CPNE4: variants seen among roughly 807,000 people sequenced by gnomAD.
The protein encoded by CPNE4 is copine 4, also known as copine-4.
A neutral mutation model predicts 67.9 loss-of-function variants in CPNE4; 25 were observed. The observed-to-expected ratio is 0.37, with a 90% confidence interval of 0.27 to 0.51. The LOEUF (loss-of-function observed/expected upper bound fraction) is 0.51. Among genes scored for constraint, CPNE4 ranks in the 20% least tolerant of loss-of-function variants. The pLI is 0.93. For missense variants in CPNE4, 464 were observed against 690.8 expected, an observed-to-expected ratio of 0.67 and a Z score of 3.68; for synonymous variants, 242 against 244.9, an observed-to-expected ratio of 0.99 and a Z score of 0.11.
intron 2 of CPNE4, among the ~76,000 whole-genome samples, chr3:131,884,284 G>T (rs1026897315): frequency 6.6e-6 from 1 of 152,214 alleles, no homozygotes; most frequent in Admixed American, 6.5e-5. Context: ...TCTACAGGAT[G>T]AACTGCTTCT....
chr3:131,902,101 C>A (rs1219133130), intron 2 of CPNE4, among the ~76,000 whole-genome samples: 1 of 151,676 alleles, frequency 6.6e-6, no homozygotes, highest in Non-Finnish European at 1.5e-5. Context: ...TTATTATATC[C>A]TTACTGTATA....
At chr3:131,545,839 G>A (rs140393013) in intron 14 of CPNE4, among the ~76,000 whole-genome samples, 6 of 152,278 alleles carry the variant, frequency 3.9e-5, no homozygotes, top group Non-Finnish European at 7.4e-5. Flanking sequence ...CTAGGTGGGC[G>A]GATCATGAGG....
At chr3:131,976,097 TA>T (rs2072646072) in intron 1 of CPNE4, among the ~76,000 whole-genome samples, 1 of 149,644 alleles carries the variant, frequency 6.7e-6, no homozygotes. Context: ...TTTTTTTTTT[TA>T]AAGAATGCAC....
intron 1 of CPNE4, among the ~76,000 whole-genome samples, chr3:132,021,439 G>A (rs2073994095): frequency 6.6e-6 from 1 of 152,082 alleles, no homozygotes; most frequent in Non-Finnish European, 1.5e-5. Context: ...CCTGGAGATG[G>A]CCAAATAAAA....
chr3:131,810,937 A>G (rs930191914), intron 2 of CPNE4, among the ~76,000 whole-genome samples: 1 of 152,126 alleles, frequency 6.6e-6, no homozygotes, highest in Admixed American at 6.6e-5. Context: ...CCAGAAATAG[A>G]AAGATACTGT....
intron 2 of CPNE4, among the ~76,000 whole-genome samples, chr3:131,892,379 A>G (rs1056868595): frequency 6.6e-6 from 1 of 152,114 alleles, no homozygotes; most frequent in Non-Finnish European, 1.5e-5. Flanking sequence ...TTTCCAGACA[A>G]GCAAATGTTG....
chr3:131,640,290 T>G (rs2079507439), intron 7 of CPNE4, among the ~76,000 whole-genome samples: 1 of 152,086 alleles, frequency 6.6e-6, no homozygotes, highest in Non-Finnish European at 1.5e-5. Flanking sequence ...CTCCCAGAAC[T>G]GGTAAATGAA....
intron 2 of CPNE4, among the ~76,000 whole-genome samples, chr3:131,728,827 G>A (rs923623644): frequency 6.7e-6 from 1 of 149,976 alleles, no homozygotes; most frequent in African/African-American, 2.5e-5. Context: ...GGAGAATGGC[G>A]TGAACCCGGG....
intron 2 of CPNE4, among the ~76,000 whole-genome samples, chr3:131,818,276 C>G (rs2084825904): frequency 6.6e-6 from 1 of 152,140 alleles, no homozygotes; most frequent in Non-Finnish European, 1.5e-5. Context: ...GTTGCAACAG[C>G]CCATACAGGG....
rs1221191841 is a variant in CPNE4, at chr3:131,685,966, A to G, written c.508-8T>C. ...AGATTTACTGAAGAAATCCTAAAATAGATAAACGTCAATGAATTGTTTTTC... is the reference window on the plus strand; with the variant it reads ...AGATTTACTGAAGAAATCCTAAAATGGATAAACGTCAATGAATTGTTTTTC... On this transcript the variant is annotated splice_polypyrimidine_tract_variant and splice_region_variant and intron_variant, in intron 5 of 15. Transcript: ENST00000429747. The G allele has an allele frequency of 3.3e-6, 5 of 1,496,848 alleles. No homozygotes were observed. The Admixed American group carries it at 6.7e-5, about 20-fold the overall frequency. 92.7% of individuals were successfully genotyped at this position (1,496,848 alleles called of 1,614,324 possible). A position where few individuals can be genotyped will look rare whatever the true frequency, so the allele number is the denominator to read the frequency against.
At chr3:131,754,440 G>GGT (rs111316072) in intron 2 of CPNE4, among the ~76,000 whole-genome samples, 28 of 151,340 alleles carry the variant, frequency 1.9e-4, no homozygotes, top group East Asian at 3.9e-4. Flanking sequence ...TATGTAAAAT[G>GGT]GTGTGTGTGT....
chr3:131,860,302 G>A (rs1423097072), intron 2 of CPNE4, among the ~76,000 whole-genome samples: 1 of 152,084 alleles, frequency 6.6e-6, no homozygotes, highest in Non-Finnish European at 1.5e-5. Flanking sequence ...TTTTAGAAAC[G>A]GTACATATAT....
At chr3:131,668,701 G>A (rs186599935) in intron 7 of CPNE4, among the ~76,000 whole-genome samples, 186 of 152,106 alleles carry the variant, frequency 1.2e-3, no homozygotes, top group South Asian at 4.2e-3. Context: ...AATCACCTCC[G>A]GGCCATTGAC....
intron 2 of CPNE4, among the ~76,000 whole-genome samples, chr3:131,768,289 A>C (rs2083075978): frequency 6.6e-6 from 1 of 152,060 alleles, no homozygotes; most frequent in African/African-American, 2.4e-5. Flanking sequence ...TTGCATGGAG[A>C]AGTGGAAATG....
chr3:131,675,587 G>A (rs1320258863), intron 6 of CPNE4, among the ~76,000 whole-genome samples: 1 of 151,804 alleles, frequency 6.6e-6, no homozygotes, highest in African/African-American at 2.4e-5. Flanking sequence ...CATTGTTTTT[G>A]TCTTGAAATC....
intron 2 of CPNE4, among the ~76,000 whole-genome samples, chr3:131,902,445 G>A (rs1176167542): frequency 1.3e-5 from 2 of 152,004 alleles, no homozygotes; most frequent in African/African-American, 4.8e-5. Flanking sequence ...CCAAAAAGAA[G>A]GGAAAATCCT....
chr3:132,007,809 C>T (rs991137840), intron 1 of CPNE4, among the ~76,000 whole-genome samples: 29 of 152,190 alleles, frequency 1.9e-4, no homozygotes, highest in African/African-American at 4.8e-5. Context: ...GTCACTTGCT[C>T]ATGTGTCACT....
intron 1 of CPNE4, among the ~76,000 whole-genome samples, chr3:131,984,590 T>G (rs1188093918): frequency 6.6e-6 from 1 of 152,208 alleles, no homozygotes; most frequent in Non-Finnish European, 1.5e-5. Flanking sequence ...TAGATATCAG[T>G]GCCTGCCTAT....
intron 1 of CPNE4, among the ~76,000 whole-genome samples, chr3:131,993,559 A>T (rs549522970): frequency 7.6e-6 from 1 of 131,444 alleles, no homozygotes; most frequent in African/African-American, 2.5e-5. Flanking sequence ...TGGGTTCTGC[A>T]TAAGACCAAC....
Sources: allele counts gnomAD v4.1 joint callset (sites outside exome capture counted in the v4.1 genomes callset), GRCh38; gene constraint gnomAD v4.1.1; transcripts MANE v1.5; gene names NCBI Gene and HGNC (gene_info 2026-07-23, HGNC 2026-07-21).